CDK10: variants seen among roughly 807,000 people sequenced by gnomAD.
The protein encoded by CDK10 is cyclin-dependent kinase 10.
CDK10 carries 55 observed loss-of-function variants against 51.0 expected under a neutral mutation model. The observed-to-expected ratio is 1.08, with a 90% CI of 0.87 to 1.35. The LOEUF (loss-of-function observed/expected upper bound fraction) is 1.35. Ranked by LOEUF, CDK10 falls within the 40% of genes most tolerant of loss-of-function variation. The pLI, the probability that CDK10 is intolerant of heterozygous loss-of-function variation, is 0.00. For missense variants in CDK10, 589 were observed against 485.1 expected (o/e 1.21, Z -2.01); for synonymous variants, 255 against 199.1 (o/e 1.28, Z -2.36).
At position 89,696,013 on chromosome 16, in the gene CDK10, G is replaced by A; in HGVS notation, c.*321G>A. The A allele has an allele frequency of 1.7e-6, 1 of 599,146 alleles. No individual in the cohort carries two copies. Among genetic ancestry groups the A allele is most frequent in the South Asian group, 2.0e-5 (1 of 51,164 alleles). The allele number at this position is 599,146 out of a possible 1,614,324, so 37.1% of individuals were successfully genotyped here. The stretch of plus-strand genomic sequence containing the variant: ...CAACCACTGCTTCTTGGGAGGAGTG[G>A]TGGGTGCAGTCCCCCCGCTGTCTTT... On this transcript the variant is annotated 3_prime_UTR_variant, in exon 13 of 13. Coordinates refer to ENST00000353379, the MANE Select transcript of CDK10 (RefSeq NM_052988.5).
chr16:89,686,740 G>A lies in CDK10; in HGVS notation c.30G>A (p.Gln10=), dbSNP rs1567506619. The A allele has an allele frequency of 6.2e-7, 1 of 1,611,674 alleles. No individual in the cohort carries two copies. The highest frequency in any genetic ancestry group is 1.1e-5 in the South Asian group (1 of 90,858). Residue 10 remains glutamine, a synonymous_variant, in exon 1 of 13, where the codon CAG becomes CAA. Coordinates refer to ENST00000353379, the MANE Select transcript of CDK10 (RefSeq NM_052988.5). MAEPDLECE[Q]IRLKCIRKEG... is the part of the protein sequence containing the mutation. ...CGGAGCCAGATCTGGAGTGCGAGCA[G>A]ATCCGTCTGAAGTGTATTCGTAAGG...
At chr16:89,692,672 T>C (rs2060504927) in intron 6 of CDK10, 156 bp downstream of exon 6, 1 of 500,164 alleles carries the variant, frequency 2.0e-6, no homozygotes, top group Non-Finnish European at 3.5e-6. Flanking sequence ...AGAGAAGGGG[T>C]CTCTCTGTGT....
At chr16:89,693,192 G>C in intron 6 of CDK10, 82 bp from the exon 7 acceptor site, 1 of 1,198,372 alleles carries the variant, frequency 8.3e-7, no homozygotes, top group South Asian at 1.2e-5. Context: ...CGTGCAGGAA[G>C]TCTACGGGCA....
chr16:89,692,895 T>TC (rs397753189), intron 6 of CDK10, among the ~76,000 whole-genome samples: 1 of 150,168 alleles, frequency 6.7e-6, no homozygotes, highest in Non-Finnish European at 1.5e-5. Context: ...CCCAGCACTT[T>TC]GGGAGGCCGA....
chr16:89,694,737 G>C lies in CDK10; in HGVS notation c.741G>C (p.Gln247His). 1 of 1,575,334 alleles carries C rather than the reference G, an allele frequency of 6.3e-7. No individual in the cohort carries two copies. The highest frequency in any genetic ancestry group is 2.4e-5 in the East Asian group (1 of 42,448). ...TCCCCGGCACTTCCGAGATCCACCA[G>C]ATCGACTTGATCGTGCAGCTGCTGG... ...PLLPGTSEIH[Q>H]IDLIVQLLGT... Residue 247 changes from glutamine (Q) to histidine (H), a missense_variant, in exon 10 of 13, where the codon CAG becomes CAC. By Grantham distance (24) the Gln-to-His change is conservative. Transcript: ENST00000353379.
In CDK10 at chr16:89,693,240, C is replaced by G. The variant is rs781680397; in HGVS notation, c.486-34C>G. 6 of 1,612,272 alleles carry G rather than the reference C, an allele frequency of 3.7e-6. No homozygotes were observed. In the Admixed American group the frequency reaches 1.0e-4, roughly 27 times the overall value. ...GGGAGCTCTCAGCCCCTGTGGCCCT[C>G]TGGGAGCCACCTGCCACTGTTTTTC... On this transcript the variant is annotated intron_variant, in intron 6 of 12. Coordinates refer to ENST00000353379, the MANE Select transcript of CDK10 (RefSeq NM_052988.5).
chr16:89,690,518 G>A (rs369590560), intron 2 of CDK10, 35 bp from the exon 3 acceptor site: 16 of 1,598,330 alleles, frequency 1.0e-5, no homozygotes, highest in African/African-American at 9.4e-5. Flanking sequence ...GAGGGGCATC[G>A]AGATGATGTC....
intron 2 of CDK10, 161 bp downstream of exon 2, chr16:89,689,485 T>C (rs2060347137): frequency 1.6e-6 from 1 of 638,880 alleles, no homozygotes; most frequent in Non-Finnish European, 2.9e-6. Flanking sequence ...CTGATGTAGT[T>C]ATCACAAACA....
chr16:89,695,834 C>T lies in CDK10; in HGVS notation c.*142C>T, dbSNP rs2060700141. 1.4e-5 allele frequency: 22 copies of T among 1,527,100 alleles called. No homozygotes were observed. Among genetic ancestry groups the T allele is most frequent in the Non-Finnish European group, 1.8e-5 (21 of 1,135,252 alleles). 94.6% of individuals were successfully genotyped at this position (1,527,100 alleles called of 1,614,324 possible). A position where few individuals can be genotyped will look rare whatever the true frequency, so the allele number is the denominator to read the frequency against. On this transcript the variant is annotated 3_prime_UTR_variant, in exon 13 of 13. Transcript: ENST00000353379. The stretch of plus-strand genomic sequence containing the variant: ...TGGGAACATCCTCCACTGACTTCCT[C>T]CCACTGTCTGCCCTGAACCCACTGC...
intron 1 of CDK10, chr16:89,687,602 C>T (rs978548100): frequency 1.6e-5 from 7 of 445,126 alleles, no homozygotes; most frequent in South Asian, 3.1e-5. Flanking sequence ...CTAGCGCTCT[C>T]GCCCAGGCTG....
rs756790426 is a variant in CDK10 at position 89,691,909 on chromosome 16, G to T, written c.417+22G>T. On this transcript the variant is annotated intron_variant, in intron 5 of 12. Coordinates refer to ENST00000353379, the MANE Select transcript of CDK10 (RefSeq NM_052988.5). ...TCAGGTGCGTGGCAGAGGGGCCTGG[G>T]GTGGGGGAATGGGCTTCATGGGCCC... 6.8e-6 allele frequency: 11 copies of T among 1,608,876 alleles called. No individual in the cohort carries two copies. In the South Asian group the frequency reaches 8.8e-5, roughly 13 times the overall value.
intron 12 of CDK10, 95 bp from the exon 13 acceptor site, chr16:89,695,500 G>A: frequency 6.7e-7 from 1 of 1,503,454 alleles, no homozygotes; most frequent in Non-Finnish European, 9.1e-7. Context: ...AGACAGCCCA[G>A]GGCCAGGTCC....
At chr16:89,687,494 G>C (rs1312015780) in intron 1 of CDK10, 1 of 456,192 alleles carries the variant, frequency 2.2e-6, no homozygotes, top group Non-Finnish European at 4.4e-6. Flanking sequence ...TCATCCAGAC[G>C]TGCAGCAGGC....
intron 1 of CDK10, chr16:89,687,800 A>G (rs924132977): frequency 2.3e-5 from 8 of 351,824 alleles, no homozygotes; most frequent in Admixed American, 7.4e-5. Context: ...TGTCGAGAAG[A>G]GCACAAGCAG....
chr16:89,687,157 T>G, intron 1 of CDK10: 1 of 221,206 alleles, frequency 4.5e-6, no homozygotes, highest in Non-Finnish European at 9.2e-6. Context: ...TGGGGAGAAT[T>G]TACACCCGCG....
intron 6 of CDK10, among the ~76,000 whole-genome samples, 162 bp from the exon 7 acceptor site, chr16:89,693,112 T>A (rs1191470331): frequency 1.4e-5 from 2 of 145,378 alleles, no homozygotes; most frequent in East Asian, 4.0e-4. Flanking sequence ...CACTCCAGCC[T>A]GGGCGACAGA....
Position 89,696,005 on chromosome 16 carries a change from G to A in CDK10, c.*313G>A, listed in dbSNP as rs1259771434. The A allele has an allele frequency of 1.7e-6, 1 of 601,974 alleles. No individual in the cohort carries two copies. Among genetic ancestry groups the A allele is most frequent in the Non-Finnish European group, 3.0e-6 (1 of 336,746 alleles). 37.3% of individuals were successfully genotyped at this position (601,974 alleles called of 1,614,324 possible). A position where few individuals can be genotyped will look rare whatever the true frequency, so the allele number is the denominator to read the frequency against. ...GAAATGTGCAACCACTGCTTCTTGG[G>A]AGGAGTGGTGGGTGCAGTCCCCCCG... On this transcript the variant is annotated 3_prime_UTR_variant, in exon 13 of 13. Coordinates refer to ENST00000353379, the MANE Select transcript of CDK10 (RefSeq NM_052988.5).
At chr16:89,691,582 G>A in intron 4 of CDK10, 37 bp downstream of exon 4, 5 of 1,534,420 alleles carry the variant, frequency 3.3e-6, no homozygotes, top group Non-Finnish European at 4.5e-6. Context: ...GGGCCCTAGG[G>A]AGCATGTGTC....
intron 1 of CDK10, 32 bp downstream of exon 1, chr16:89,686,829 C>T (rs1438153927): frequency 3.8e-6 from 6 of 1,578,620 alleles, no homozygotes; most frequent in Non-Finnish European, 4.3e-6. Context: ...CAGCTCTGCC[C>T]GCCTCGCTAG....
Sources: allele counts gnomAD v4.1 joint callset (sites outside exome capture counted in the v4.1 genomes callset), GRCh38; gene constraint gnomAD v4.1.1; transcripts MANE v1.5; gene names NCBI Gene and HGNC (gene_info 2026-07-23, HGNC 2026-07-21).